Variants in PARVB observed in about 807,000 individuals in gnomAD.
The protein encoded by PARVB is parvin beta.
PARVB carries 46 observed loss-of-function variants against 47.0 expected under a neutral mutation model. The ratio of observed to expected loss-of-function variants is 0.98; its 90% CI spans 0.77 to 1.25. The LOEUF is 1.25. Among genes scored for constraint, PARVB ranks in the 50% most tolerant of loss-of-function variants. PARVB has a pLI of 0.00. For missense variants in PARVB, 473 were observed against 471.6 expected, an observed-to-expected ratio of 1.00 and a Z score of -0.03; for synonymous variants, 196 against 196.3, an observed-to-expected ratio of 1.00 and a Z score of 0.01.
At position 44,015,218 on chromosome 22, in the gene PARVB, GA is replaced by G. The variant is rs549067694; in HGVS notation, c.211+15548del. Among the ~76,000 whole-genome samples the G allele has an allele frequency of 5.0e-3, 756 of 151,488 alleles. 5 individuals are homozygous for G. Among genetic ancestry groups the G allele is most frequent in the African/African-American group, 0.017 (714 of 41,342 alleles). Reference sequence around the variant, plus strand: ...TTAATAATGATACAGGAGATAGAAAGAAATTATTTAGACAGATAGTGAGGGT... The same window carrying G: ...TTAATAATGATACAGGAGATAGAAAGAATTATTTAGACAGATAGTGAGGGT... On this transcript the variant is annotated intron_variant, in intron 2 of 13. Coordinates refer to the PARVB transcript ENST00000406477.
intron 1 of PARVB, among the ~76,000 whole-genome samples, chr22:44,056,307 A>G (rs1175746336): frequency 6.6e-6 from 1 of 152,116 alleles, no homozygotes; most frequent in Admixed American, 6.6e-5. Flanking sequence ...CCTGAGTTGC[A>G]TGTGGATTTC....
chr22:44,119,515 G>A (rs569836700), intron 4 of PARVB, among the ~76,000 whole-genome samples: 10 of 152,334 alleles, frequency 6.6e-5, no homozygotes, highest in Admixed American at 4.6e-4. Flanking sequence ...TATTCTGTGA[G>A]TGAATGTGTC....
chr22:44,069,098 T>C, intron 1 of PARVB: 3 of 1,611,100 alleles, frequency 1.9e-6, no homozygotes, highest in Non-Finnish European at 2.5e-6. Flanking sequence ...TGTGCCCGCC[T>C]GCCCTCCGAC....
At chr22:44,023,663 C>G (rs1393345848), upstream of PARVB, among the ~76,000 whole-genome samples, 1 of 152,198 alleles carries the variant, frequency 6.6e-6, no homozygotes, top group Admixed American at 6.5e-5. Flanking sequence ...CCAACACATG[C>G]GAGGCCTGTC....
chr22:44,167,098 A>C (rs960617504), intron 12 of PARVB, among the ~76,000 whole-genome samples: 3 of 152,172 alleles, frequency 2.0e-5, no homozygotes, highest in Non-Finnish European at 4.4e-5. Flanking sequence ...CTGGTTCCCT[A>C]GGCCCCCAGC....
chr22:44,146,503 A>G (rs8138207), intron 8 of PARVB: 22,045 of 152,292 alleles, frequency 0.14, 2,455 homozygotes, highest in South Asian at 0.31. Context: ...CCACCTCCAC[A>G]AGGCCACGGA....
intron 9 of PARVB, chr22:44,150,439 A>C (rs1260671928): frequency 1.3e-5 from 2 of 152,082 alleles, no homozygotes; most frequent in African/African-American, 4.8e-5. Context: ...TGGGAGGCCA[A>C]AGTGGGTGGA....
chr22:44,157,195 G>T lies in PARVB; in HGVS notation c.844-787G>T, dbSNP rs2053954446. Among the ~76,000 whole-genome samples the T allele has an allele frequency of 3.3e-5, 5 of 152,188 alleles. No individual in the cohort carries two copies. In the South Asian group the frequency reaches 8.3e-4, roughly 25 times the overall value. ...TGTGGTCTCTGCTGCAAGACAGAGT[G>T]GTGAGGGCCACCAGGTCCCAGCTCT... On this transcript the variant is annotated intron_variant, in intron 10 of 12. Transcript: ENST00000338758.
chr22:44,156,747 GAGAA>G (rs2053944045), intron 10 of PARVB, among the ~76,000 whole-genome samples: 1 of 152,206 alleles, frequency 6.6e-6, no homozygotes, highest in African/African-American at 2.4e-5. Flanking sequence ...ATTAATTAAA[GAGAA>G]AGGTTAGCAT....
intron 1 of PARVB, chr22:44,026,508 T>C (rs2146881669): frequency 5.0e-6 from 1 of 198,328 alleles, no homozygotes; most frequent in Middle Eastern, 2.6e-3. Context: ...GGCTTCTGTG[T>C]GGTCTCCTGG....
intron 1 of PARVB, among the ~76,000 whole-genome samples, chr22:44,038,963 A>T (rs888853228): frequency 3.9e-5 from 6 of 152,218 alleles, no homozygotes; most frequent in African/African-American, 1.4e-4. Flanking sequence ...GGGTTTGAAC[A>T]GACACGTCAC....
At chr22:44,132,843 G>A (rs1192480228) in intron 5 of PARVB, 51 bp from the exon 6 acceptor site, 3 of 1,293,632 alleles carry the variant, frequency 2.3e-6, no homozygotes, top group Non-Finnish European at 3.4e-6. Flanking sequence ...GTGGGCTCAG[G>A]TTCCTGTGTA....
chr22:44,072,788 A>G (rs2051683763), intron 1 of PARVB, among the ~76,000 whole-genome samples: 1 of 152,134 alleles, frequency 6.6e-6, no homozygotes, highest in South Asian at 2.1e-4. Context: ...TCTTCCTGCT[A>G]CAGGATAGCC....
At chr22:44,040,899 A>G (rs1468927625) in intron 1 of PARVB, among the ~76,000 whole-genome samples, 4 of 152,052 alleles carry the variant, frequency 2.6e-5, no homozygotes, top group Non-Finnish European at 4.4e-5. Flanking sequence ...GCTACTCGAG[A>G]GGCTGAGGCA....
At chr22:44,072,467 G>T (rs1240853276) in intron 1 of PARVB, among the ~76,000 whole-genome samples, 2 of 152,136 alleles carry the variant, frequency 1.3e-5, no homozygotes, top group Admixed American at 1.3e-4. Flanking sequence ...TTGAGATGGA[G>T]TCTTGCCCTG....
intron 12 of PARVB, chr22:44,168,019 C>T (rs1293853286): frequency 6.4e-6 from 1 of 156,352 alleles, no homozygotes; most frequent in Non-Finnish European, 1.4e-5. Flanking sequence ...CAGGGTCATC[C>T]CATGGCTGCT....
chr22:44,152,477 A>G (rs1332901776), intron 10 of PARVB: 1 of 152,094 alleles, frequency 6.6e-6, no homozygotes, highest in African/African-American at 2.4e-5. Flanking sequence ...AACCCATAAC[A>G]CACTCCAGGG....
At chr22:44,087,719 A>T (rs1358249635) in intron 1 of PARVB, among the ~76,000 whole-genome samples, 1 of 152,102 alleles carries the variant, frequency 6.6e-6, no homozygotes, top group African/African-American at 2.4e-5. Flanking sequence ...AAAAAAAAAA[A>T]AATCAAAGAT....
upstream of PARVB, among the ~76,000 whole-genome samples, chr22:44,022,747 A>C (rs377573407): frequency 6.8e-6 from 1 of 147,780 alleles, no homozygotes; most frequent in Admixed American, 6.7e-5. Flanking sequence ...TTTATTTTTT[A>C]TTTTTTTTTT....
Sources: allele counts gnomAD v4.1 joint callset (sites outside exome capture counted in the v4.1 genomes callset), GRCh38; gene constraint gnomAD v4.1.1; transcripts MANE v1.5; gene names NCBI Gene and HGNC (gene_info 2026-07-23, HGNC 2026-07-21).